Variants in GSTM1 observed in about 807,000 individuals in gnomAD.
GSTM1 encodes GST HB subunit 4.
Under a neutral mutation model 17.3 loss-of-function variants are expected in GSTM1, and 6 were observed. That is an observed-to-expected ratio of 0.35 (90% CI 0.19 to 0.68). The LOEUF is 0.68. Among genes scored for constraint, GSTM1 ranks in the 30% least tolerant of loss-of-function variants. The pLI is 0.65. For missense variants in GSTM1, 62 were observed against 155.9 expected (o/e 0.40, Z 3.21); for synonymous variants, 20 against 53.6 (o/e 0.37, Z 2.74).
chr1:109,689,088 G>A lies in GSTM1; in HGVS notation c.218G>A (p.Ser73Asn), dbSNP rs778256041. Residue 73 changes from serine to asparagine, a missense_variant, in exon 4 of 8, where the codon AGC becomes AAC. Transcript: ENST00000309851. ...GATGGGGCTCACAAGATCACCCAGA[G>A]CAACGCCATCTTGTGCTACATTGCC... is the stretch of plus-strand genomic sequence containing the variant. ...LIDGAHKITQ[S>N]NAILCYIARK... is the part of the protein sequence containing the mutation. 3.8e-6 allele frequency: 3 copies of A among 797,088 alleles called. 1 individual carries two copies. The highest frequency in any genetic ancestry group is 5.4e-6 in the Non-Finnish European group (3 of 552,806). 49.4% of individuals were successfully genotyped at this position (797,088 alleles called of 1,614,324 possible). A position where few individuals can be genotyped will look rare whatever the true frequency, so the allele number is the denominator to read the frequency against.
rs1648135692 is a variant in GSTM1 at position 109,692,973 on chromosome 1, T to G, written c.568-233T>G. 2.5e-5 allele frequency: 6 copies of G among 240,716 alleles called. 2 individuals are homozygous for G. The highest frequency in any genetic ancestry group is 1.6e-4 in the South Asian group (4 of 25,676). 14.9% of individuals were successfully genotyped at this position (240,716 alleles called of 1,614,324 possible). A position where few individuals can be genotyped will look rare whatever the true frequency, so the allele number is the denominator to read the frequency against. On this transcript the variant is annotated intron_variant, in intron 7 of 7. Transcript: ENST00000309851. ...CTTGGGTACAGAGCACCCAGCACCGTGTAGAATCTTCATAAGTGTTAGCTG... is the reference window on the plus strand; with the variant it reads ...CTTGGGTACAGAGCACCCAGCACCGGGTAGAATCTTCATAAGTGTTAGCTG...
At chr1:109,687,987 G>A in intron 1 of GSTM1, 78 bp downstream of exon 1, 1 of 703,500 alleles carries the variant, frequency 1.4e-6, no homozygotes, top group Non-Finnish European at 2.1e-6. Flanking sequence ...CGGACTCTAG[G>A]GACCGTTCCT....
rs1304252999 is a variant in GSTM1 at position 109,691,784 on chromosome 1, T to G, written c.567+1220T>G. Among the ~76,000 whole-genome samples the G allele has an allele frequency of 2.4e-5, 2 of 82,184 alleles. 1 individual carries two copies. The highest frequency in any genetic ancestry group is 6.3e-5 in the Non-Finnish European group (2 of 31,676). 53.9% of individuals were successfully genotyped at this position (82,184 alleles called of 152,430 possible). Reference sequence around the variant, plus strand: ...ACTCACGGGGAACCATCCCTCACCCTTGCTGATCTTGTTTCAGAGCACAAA... The same window carrying G: ...ACTCACGGGGAACCATCCCTCACCCGTGCTGATCTTGTTTCAGAGCACAAA... On this transcript the variant is annotated intron_variant, in intron 7 of 7. Transcript: ENST00000309851.
intron 2 of GSTM1, 162 bp downstream of exon 2, chr1:109,688,407 A>G: frequency 2.3e-6 from 1 of 440,438 alleles, no homozygotes; most frequent in Non-Finnish European, 4.0e-6. Flanking sequence ...CTTGCAAGGC[A>G]GAATGCTGGG....
rs1242636284 is a variant in GSTM1 at position 109,691,150 on chromosome 1, T to TA, written c.567+587dup. Among the ~76,000 whole-genome samples the TA allele has an allele frequency of 1.3e-4, 10 of 78,322 alleles. 2 individuals are homozygous for TA. The highest frequency in any genetic ancestry group is 3.6e-4 in the African/African-American group (10 of 27,578). 51.4% of individuals were successfully genotyped at this position (78,322 alleles called of 152,430 possible). A position where few individuals can be genotyped will look rare whatever the true frequency, so the allele number is the denominator to read the frequency against. On this transcript the variant is annotated intron_variant, in intron 7 of 7. Coordinates refer to ENST00000309851, the MANE Select transcript of GSTM1 (RefSeq NM_000561.4). ...GTGGCTGTAGCTGGATTAAGGTACA[T>TA]ATGTGGGTGTCCCTGTTGAAGGAGT... is the stretch of plus-strand genomic sequence containing the variant.
At chr1:109,687,992 G>T in intron 1 of GSTM1, 83 bp downstream of exon 1, 1 of 707,192 alleles carries the variant, frequency 1.4e-6, no homozygotes, top group Non-Finnish European at 2.1e-6. Flanking sequence ...TCTAGGGACC[G>T]TTCCTCTTCA....
At chr1:109,692,910 C>T (rs448934) in intron 7 of GSTM1, among the ~76,000 whole-genome samples, 1,124 of 79,494 alleles carry the variant, frequency 0.014, 215 homozygotes, top group African/African-American at 0.036. Flanking sequence ...CCTTGCAGAG[C>T]AGTCGAGTGG....
Position 109,690,693 on chromosome 1 carries a change from C to T in GSTM1, c.567+129C>T. On this transcript the variant is annotated intron_variant, in intron 7 of 7. Coordinates refer to ENST00000309851, the MANE Select transcript of GSTM1 (RefSeq NM_000561.4). ...TGAGTACTGGTTTCATGCCACGAAC[C>T]GTGCCCAGCACATTATACCTATTGT... 5 of 707,314 alleles carry T rather than the reference C, an allele frequency of 7.1e-6. 2 individuals carry two copies. Among genetic ancestry groups the T allele is most frequent in the Non-Finnish European group, 1.1e-5 (5 of 474,446 alleles). The allele number at this position is 707,314 out of a possible 1,614,324, so 43.8% of individuals were successfully genotyped here.
intron 7 of GSTM1, among the ~76,000 whole-genome samples, chr1:109,692,058 CTT>C (rs397894870): frequency 0.087 from 3,041 of 34,880 alleles, 800 homozygotes; most frequent in Middle Eastern, 0.11. Flanking sequence ...AGTCCTGGAT[CTT>C]TTTTTTTTTT....
At chr1:109,688,060 G>A in intron 1 of GSTM1, 110 bp from the exon 2 acceptor site, 1 of 782,036 alleles carries the variant, frequency 1.3e-6, no homozygotes. Flanking sequence ...GGGGGTGTGG[G>A]CGGGTAGAGG....
At position 109,691,913 on chromosome 1, in the gene GSTM1, G is replaced by A. The variant is rs1352278779; in HGVS notation, c.568-1293G>A. On this transcript the variant is annotated intron_variant, in intron 7 of 7. Coordinates refer to ENST00000309851, the MANE Select transcript of GSTM1 (RefSeq NM_000561.4). ...ATCAAGAAATCTGCTTGCTCAGCTA[G>A]TTCCCATCAGCTCTGGTTCTGGTCC... is the stretch of plus-strand genomic sequence containing the variant. Among the ~76,000 whole-genome samples the A allele has an allele frequency of 6.2e-5, 5 of 81,150 alleles. 1 individual carries two copies. Among genetic ancestry groups the A allele is most frequent in the African/African-American group, 1.1e-4 (3 of 28,566 alleles). 53.2% of individuals were successfully genotyped at this position (81,150 alleles called of 152,430 possible). A position where few individuals can be genotyped will look rare whatever the true frequency, so the allele number is the denominator to read the frequency against.
intron 3 of GSTM1, 121 bp from the exon 4 acceptor site, chr1:109,688,927 T>G: frequency 1.9e-6 from 1 of 512,866 alleles, no homozygotes; most frequent in South Asian, 2.1e-5. Context: ...TATTCTTATT[T>G]CAGTCCTGCC....
In GSTM1 at chr1:109,687,908, G is replaced by T. The variant is rs371083091; in HGVS notation, c.35G>T (p.Gly12Val). 2.5e-6 allele frequency: 2 copies of T among 791,542 alleles called. 1 individual carries two copies. Among genetic ancestry groups the T allele is most frequent in the African/African-American group, 3.7e-5 (2 of 53,712 alleles). 49.0% of individuals were successfully genotyped at this position (791,542 alleles called of 1,614,324 possible). The change falls in exon 1 of 8, where the codon GGG becomes GTG. Residue 12 changes from glycine to valine, a missense_variant and splice_region_variant. Gly to Val is a moderately radical substitution (Grantham distance 109, BLOSUM62 -3). Transcript: ENST00000309851. ...ATACTGGGGTACTGGGACATCCGCG[G>T]GGTGAGCGAGGGTCCGCTGGACGGT... ...PMILGYWDIR[G>V]LAHAIRLLLE...
Position 109,692,182 on chromosome 1 carries a change from C to G in GSTM1, c.568-1024C>G, listed in dbSNP as rs1371161211. 9.2e-5 allele frequency among the ~76,000 whole-genome samples: 7 copies of G among 76,092 alleles called. 1 individual carries two copies. The highest frequency in any genetic ancestry group is 2.3e-4 in the African/African-American group (6 of 26,482). The allele number at this position is 76,092 out of a possible 152,430, so 49.9% of individuals were successfully genotyped here. On this transcript the variant is annotated intron_variant, in intron 7 of 7. Transcript: ENST00000309851. Reference sequence around the variant, plus strand: ...CAAACAATTCTCTGCCTCAGCCTCCCGAGTAGCTGGGATTACAAGTGTCTA... The same window carrying G: ...CAAACAATTCTCTGCCTCAGCCTCCGGAGTAGCTGGGATTACAAGTGTCTA...
At position 109,690,476 on chromosome 1, in the gene GSTM1, T is replaced by A; in HGVS notation, c.479T>A (p.Val160Asp). 2.5e-6 allele frequency: 2 copies of A among 794,340 alleles called. 1 individual carries two copies. The highest frequency in any genetic ancestry group is 3.6e-6 in the Non-Finnish European group (2 of 549,842). The allele number at this position is 794,340 out of a possible 1,614,324, so 49.2% of individuals were successfully genotyped here. A position where few individuals can be genotyped will look rare whatever the true frequency, so the allele number is the denominator to read the frequency against. The change falls in exon 7 of 8, where the codon GTC becomes GAC. Residue 160 changes from valine (V) to aspartate (D), a missense_variant. Val to Asp is a radical substitution (Grantham distance 152). Transcript: ENST00000309851. ...GNKITFVDFL[V>D]YDVLDLHRIF... ...CAGATCACTTTTGTAGATTTTCTCG[T>A]CTATGATGTCCTTGACCTCCACCGT...
intron 7 of GSTM1, among the ~76,000 whole-genome samples, chr1:109,692,245 A>G (rs112063197): frequency 0.2 from 15,137 of 77,432 alleles, 6,033 homozygotes; most frequent in Middle Eastern, 0.34. Flanking sequence ...TTTAGTAGAG[A>G]TGGGCTTTCA....
At chr1:109,692,322 T>C (rs1439576967) in intron 7 of GSTM1, among the ~76,000 whole-genome samples, 1 of 79,282 alleles carries the variant, frequency 1.3e-5, no homozygotes, top group African/African-American at 3.6e-5. Flanking sequence ...CTTCCCAATG[T>C]GCTGGGATTA....
Position 109,693,332 on chromosome 1 carries a change from T to C in GSTM1, c.*37T>C. ...CCAGGAGGTGGGAGTGAGGAGCCCA[T>C]ACTCAGCCTGCTGCCCAGGCTGTGC... On this transcript the variant is annotated 3_prime_UTR_variant, in exon 8 of 8. Coordinates refer to ENST00000309851, the MANE Select transcript of GSTM1 (RefSeq NM_000561.4). 4.3e-6 allele frequency: 3 copies of C among 691,510 alleles called. 1 individual carries two copies. Among genetic ancestry groups the C allele is most frequent in the Non-Finnish European group, 6.5e-6 (3 of 462,428 alleles). The allele number at this position is 691,510 out of a possible 1,614,324, so 42.8% of individuals were successfully genotyped here.
At chr1:109,690,135 G>T in intron 5 of GSTM1, 136 bp from the exon 6 acceptor site, 1 of 356,036 alleles carries the variant, frequency 2.8e-6, no homozygotes. Flanking sequence ...ATTGAAGCCT[G>T]GGCACTGCCC....
Sources: allele counts gnomAD v4.1 joint callset (sites outside exome capture counted in the v4.1 genomes callset), GRCh38; gene constraint gnomAD v4.1.1; transcripts MANE v1.5; gene names NCBI Gene and HGNC (gene_info 2026-07-23, HGNC 2026-07-21).